CNTN5: variants seen among roughly 807,000 people sequenced by gnomAD.
CNTN5 encodes contactin 5, also known as contactin-5.
In CNTN5, 77 loss-of-function variants were observed where a neutral mutation model predicts 129.1. That is an observed-to-expected ratio of 0.60 (90% CI 0.50 to 0.72). CNTN5 has a LOEUF of 0.72. Ranked by LOEUF, CNTN5 falls within the 30% of genes least tolerant of loss-of-function variation. The probability of loss-of-function intolerance (pLI) is 0.00; values close to 1 mark genes in which losing one functional copy is unlikely to be tolerated. For synonymous variants in CNTN5, 509 were observed against 465.6 expected (o/e 1.09, Z -1.20); for missense variants, 1,478 against 1,328.8 (o/e 1.11, Z -1.75).
intron 3 of CNTN5, among the ~76,000 whole-genome samples, chr11:99,816,724 T>G (rs1341734213): frequency 6.6e-6 from 1 of 152,208 alleles, no homozygotes; most frequent in East Asian, 1.9e-4. Flanking sequence ...TGCTCTCCTT[T>G]CAAAGCTGTA....
At chr11:99,179,862 C>T (rs767778966) in intron 1 of CNTN5, among the ~76,000 whole-genome samples, 17 of 152,120 alleles carry the variant, frequency 1.1e-4, no homozygotes, top group Admixed American at 2.0e-4. Context: ...GTGTAAGTGA[C>T]TTTAGATAGA....
intron 8 of CNTN5, among the ~76,000 whole-genome samples, chr11:99,969,548 G>T (rs1315081997): frequency 1.3e-5 from 2 of 152,008 alleles, no homozygotes; most frequent in Non-Finnish European, 2.9e-5. Context: ...ATTGGGCATG[G>T]GGCCTCACCA....
intron 6 of CNTN5, among the ~76,000 whole-genome samples, chr11:99,878,066 A>G (rs10791018): frequency 0.16 from 24,598 of 152,188 alleles, 2,093 homozygotes; most frequent in Non-Finnish European, 0.17. Context: ...TTAAATATGT[A>G]GCATACATTA....
At chr11:99,244,870 T>G (rs1480485059) in intron 1 of CNTN5, among the ~76,000 whole-genome samples, 1 of 152,266 alleles carries the variant, frequency 6.6e-6, no homozygotes, top group Non-Finnish European at 1.5e-5. Context: ...GTGGACTGGG[T>G]TTATTTATAC....
chr11:99,117,329 G>A (rs1363123066), intron 1 of CNTN5, among the ~76,000 whole-genome samples: 1 of 152,074 alleles, frequency 6.6e-6, no homozygotes, highest in African/African-American at 2.4e-5. Context: ...ACAGAGTATT[G>A]CCATCATCTG....
chr11:99,188,234 GAATA>G (rs1356920799), intron 1 of CNTN5, among the ~76,000 whole-genome samples: 7 of 151,642 alleles, frequency 4.6e-5, no homozygotes, highest in Non-Finnish European at 1.0e-4. Context: ...AATAATGGTG[GAATA>G]AATAAACATG....
chr11:99,838,719 G>A (rs999718654), intron 4 of CNTN5, among the ~76,000 whole-genome samples: 16 of 152,136 alleles, frequency 1.1e-4, no homozygotes, highest in African/African-American at 1.7e-4. Flanking sequence ...GGCCAAGCCA[G>A]GTATTTCAGT....
At chr11:99,814,621 T>C (rs11221491) in intron 3 of CNTN5, among the ~76,000 whole-genome samples, 43,173 of 151,662 alleles carry the variant, frequency 0.28, 6,501 homozygotes, top group East Asian at 0.5. Context: ...TGAAGGTGCA[T>C]TGAAGGAATT....
chr11:100,286,184 C>T (rs1169962231), intron 18 of CNTN5, among the ~76,000 whole-genome samples: 3 of 152,044 alleles, frequency 2.0e-5, no homozygotes, highest in Non-Finnish European at 2.9e-5. Flanking sequence ...GGGGGAGGGG[C>T]GCCCGCCATT....
At chr11:99,945,073 G>C (rs1015357186) in intron 7 of CNTN5, among the ~76,000 whole-genome samples, 1 of 152,018 alleles carries the variant, frequency 6.6e-6, no homozygotes, top group African/African-American at 2.4e-5. Context: ...GATAGTATCG[G>C]ATGGTTAAGA....
intron 1 of CNTN5, among the ~76,000 whole-genome samples, chr11:99,146,604 T>C (rs1156374679): frequency 1.3e-5 from 2 of 152,208 alleles, no homozygotes; most frequent in African/African-American, 2.4e-5. Context: ...CCAATCCTTG[T>C]TGATGAACAT....
intron 1 of CNTN5, among the ~76,000 whole-genome samples, chr11:99,088,047 G>A (rs1429196445): frequency 2.0e-5 from 3 of 152,144 alleles, no homozygotes; most frequent in African/African-American, 7.2e-5. Context: ...AATGTAAATA[G>A]CCTTTTTGGA....
At chr11:100,265,814 A>G (rs781479512) in intron 17 of CNTN5, among the ~76,000 whole-genome samples, 2 of 152,164 alleles carry the variant, frequency 1.3e-5, no homozygotes, top group African/African-American at 2.4e-5. Flanking sequence ...CAGCCATAAC[A>G]TCTCACTTGC....
chr11:99,946,069 A>AT (rs1177649896), intron 7 of CNTN5, among the ~76,000 whole-genome samples: 3 of 152,050 alleles, frequency 2.0e-5, no homozygotes, highest in Non-Finnish European at 4.4e-5. Flanking sequence ...TCTTTGGGTG[A>AT]TCCCCACCAA....
At chr11:100,017,440 T>C (rs1202094518) in intron 9 of CNTN5, among the ~76,000 whole-genome samples, 1 of 152,004 alleles carries the variant, frequency 6.6e-6, no homozygotes, top group Non-Finnish European at 1.5e-5. Context: ...CAGTGTTTTC[T>C]TTCTTAGAGA....
Position 100,356,183 on chromosome 11 carries a change from T to C in CNTN5, c.3266T>C (p.Leu1089Ser). The C allele has an allele frequency of 6.2e-7, 1 of 1,610,484 alleles. No individual in the cohort carries two copies. Among genetic ancestry groups the C allele is most frequent in the Non-Finnish European group, 8.5e-7 (1 of 1,177,996 alleles). The change falls in exon 25 of 25, where the codon TTG becomes TCG. Residue 1089 changes from leucine to serine, a missense_variant. Leu to Ser is a moderately radical substitution (Grantham distance 145, BLOSUM62 -2). Coordinates refer to ENST00000524871, the MANE Select transcript of CNTN5 (RefSeq NM_014361.4). ...TCCACATCTTCGTCATCAGTCACCT[T>C]GCTCTTGGCATTGATGATTCCTTCA... ...SLSTSSSSVT[L>S]LLALMIPSTS...
intron 3 of CNTN5, among the ~76,000 whole-genome samples, chr11:99,613,485 C>G (rs961879846): frequency 2.0e-5 from 3 of 152,044 alleles, no homozygotes; most frequent in African/African-American, 4.8e-5. Context: ...TTGGGCAGTT[C>G]TCTATAGCAG....
At chr11:99,064,927 T>C (rs550438804) in intron 1 of CNTN5, among the ~76,000 whole-genome samples, 5 of 151,974 alleles carry the variant, frequency 3.3e-5, no homozygotes, top group Non-Finnish European at 5.9e-5. Context: ...TAAATGTTAA[T>C]TTAGTAATAT....
At chr11:99,073,621 C>A (rs935405264) in intron 1 of CNTN5, among the ~76,000 whole-genome samples, 2 of 151,896 alleles carry the variant, frequency 1.3e-5, no homozygotes, top group Non-Finnish European at 2.9e-5. Context: ...CACTGTTCAG[C>A]TCCCACTGAT....
Sources: gnomAD v4.1 joint callset for allele counts (sites outside exome capture counted in the v4.1 genomes callset) on GRCh38, gnomAD v4.1.1 for gene constraint, MANE v1.5 for transcripts, NCBI Gene and HGNC (gene_info 2026-07-23, HGNC 2026-07-21) for gene names.